HSD17B3: variants seen among roughly 807,000 people sequenced by gnomAD.
HSD17B3 encodes hydroxysteroid 17-beta dehydrogenase 3.
A neutral mutation model predicts 41.1 loss-of-function variants in HSD17B3; 29 were observed. The observed-to-expected ratio is 0.71, with a 90% CI of 0.53 to 0.96. The LOEUF (loss-of-function observed/expected upper bound fraction) is 0.96. Ranked by LOEUF, HSD17B3 falls within the 40% of genes least tolerant of loss-of-function variation. HSD17B3 has a pLI of 0.00. For synonymous variants in HSD17B3, 126 were observed against 145.6 expected (o/e 0.87, Z 0.97); for missense variants, 323 against 374.6 (o/e 0.86, Z 1.14).
Position 96,245,462 on chromosome 9 carries a change from T to C in HSD17B3, c.525-36A>G, listed in dbSNP as rs778877392. The C allele has an allele frequency of 1.9e-5, 29 of 1,498,408 alleles. No homozygotes were observed. The South Asian group carries it at 3.0e-4, about 16-fold the overall frequency. The allele number at this position is 1,498,408 out of a possible 1,614,324, so 92.8% of individuals were successfully genotyped here. A position where few individuals can be genotyped will look rare whatever the true frequency, so the allele number is the denominator to read the frequency against. On this transcript the variant is annotated intron_variant, in intron 7 of 10. Transcript: ENST00000375263. ...AAGAAGCAAAGTTCCCATGGCTTTG[T>C]TGCCCTACCTGACCTTGAGTACAAA... is the stretch of plus-strand genomic sequence containing the variant.
chr9:96,262,221 G>A (rs914136028), intron 2 of HSD17B3, among the ~76,000 whole-genome samples: 22 of 121,196 alleles, frequency 1.8e-4, no homozygotes, highest in African/African-American at 6.4e-4. Flanking sequence ...TTGTAAACAT[G>A]TCAATTGCTT....
At chr9:96,300,209 G>GAA (rs1827528499) in intron 1 of HSD17B3, among the ~76,000 whole-genome samples, 1 of 116,376 alleles carries the variant, frequency 8.6e-6, no homozygotes, top group African/African-American at 3.1e-5. Context: ...ACCCCAAGAG[G>GAA]ACACACACAC....
intron 5 of HSD17B3, chr9:96,250,341 G>C (rs1419924590): frequency 9.3e-7 from 1 of 1,078,134 alleles, no homozygotes; most frequent in African/African-American, 1.6e-5. Flanking sequence ...GCCAGAAACA[G>C]AGTGTGGGAG....
In HSD17B3 at chr9:96,250,448, T is replaced by C. The variant is rs946354445; in HGVS notation, c.454-662A>G. 5 of 1,064,512 alleles carry C rather than the reference T, an allele frequency of 4.7e-6. No homozygotes were observed. In the African/African-American group the frequency reaches 8.2e-5, roughly 18 times the overall value. The allele number at this position is 1,064,512 out of a possible 1,614,324, so 65.9% of individuals were successfully genotyped here. On this transcript the variant is annotated intron_variant, in intron 5 of 10. Transcript: ENST00000375263. The stretch of plus-strand genomic sequence containing the variant: ...CAAGCAGTCTGGCATTATCACCCGG[T>C]GCAGCAGACTCGGGGCTTACACAGG...
chr9:96,242,623 A>T (rs1236378477), intron 9 of HSD17B3, among the ~76,000 whole-genome samples: 1 of 152,176 alleles, frequency 6.6e-6, no homozygotes, highest in East Asian at 1.9e-4. Flanking sequence ...TTTTTGAAAG[A>T]TCACAGTCTT....
intron 3 of HSD17B3, among the ~76,000 whole-genome samples, chr9:96,254,259 C>A (rs183294817): frequency 5.7e-4 from 86 of 152,188 alleles, no homozygotes; most frequent in African/African-American, 2.0e-3. Context: ...TAAAATCTGA[C>A]AAACACCAGT....
At chr9:96,287,248 A>G (rs1453235265) in intron 2 of HSD17B3, among the ~76,000 whole-genome samples, 4 of 152,190 alleles carry the variant, frequency 2.6e-5, no homozygotes, top group South Asian at 2.1e-4. Flanking sequence ...CCAGAGGCCA[A>G]GGGAGCCCAG....
chr9:96,299,654 C>T (rs1313135642), intron 1 of HSD17B3, among the ~76,000 whole-genome samples: 1 of 152,026 alleles, frequency 6.6e-6, no homozygotes, highest in East Asian at 1.9e-4. Context: ...AATGAGGAAG[C>T]CAAGGGGAAA....
intron 5 of HSD17B3, chr9:96,250,994 A>G (rs1251894993): frequency 5.6e-6 from 1 of 179,848 alleles, no homozygotes; most frequent in Non-Finnish European, 1.2e-5. Flanking sequence ...CCTGCCAGCC[A>G]TAGAGTTTGT....
chr9:96,250,125 T>C (rs1280889631), intron 5 of HSD17B3: 8 of 1,295,080 alleles, frequency 6.2e-6, no homozygotes, highest in East Asian at 3.2e-5. Flanking sequence ...GGTTAGCCTA[T>C]GTGAGTCCAG....
chr9:96,277,248 CA>C (rs1484913246), intron 2 of HSD17B3, among the ~76,000 whole-genome samples: 2 of 151,410 alleles, frequency 1.3e-5, no homozygotes, highest in South Asian at 4.2e-4. Context: ...ATCTGTGCAG[CA>C]AAGGAAACAA....
At chr9:96,248,346 TGAAAA>T (rs895677980) in intron 6 of HSD17B3, among the ~76,000 whole-genome samples, 1 of 152,176 alleles carries the variant, frequency 6.6e-6, no homozygotes, top group Non-Finnish European at 1.5e-5. Context: ...CTTATTCACC[TGAAAA>T]GAAAAAATTT....
At chr9:96,263,682 T>C (rs564784134) in intron 2 of HSD17B3, among the ~76,000 whole-genome samples, 129 of 152,058 alleles carry the variant, frequency 8.5e-4, no homozygotes, top group Non-Finnish European at 1.5e-3. Flanking sequence ...TGAGCAGAGA[T>C]TGTGCCACTG....
intron 2 of HSD17B3, among the ~76,000 whole-genome samples, chr9:96,271,315 T>C (rs1826238043): frequency 6.6e-6 from 1 of 152,198 alleles, no homozygotes; most frequent in African/African-American, 2.4e-5. Context: ...TATGGTTGTG[T>C]GAGGTAGGAT....
chr9:96,280,771 C>T (rs540665009), intron 2 of HSD17B3, among the ~76,000 whole-genome samples: 4 of 152,280 alleles, frequency 2.6e-5, no homozygotes, highest in African/African-American at 7.2e-5. Flanking sequence ...GTCATAAAGA[C>T]CTTGCTGATA....
At chr9:96,300,063 C>G (rs537684875) in intron 1 of HSD17B3, among the ~76,000 whole-genome samples, 1 of 151,924 alleles carries the variant, frequency 6.6e-6, no homozygotes, top group Non-Finnish European at 1.5e-5. Context: ...CCTACACAAA[C>G]GACAGCAGCT....
rs1825908567 is a variant in HSD17B3, at chr9:96,262,748, C to T, written c.202-7805G>A. ...CTTTTTCACCAAGCTAATATTATTT[C>T]TTGTCTTGAATTATATTTTGTCTGA... On this transcript the variant is annotated intron_variant, in intron 2 of 10. Transcript: ENST00000375263. 1.3e-5 allele frequency among the ~76,000 whole-genome samples: 2 copies of T among 152,082 alleles called. 1 individual carries two copies. Among genetic ancestry groups the T allele is most frequent in the South Asian group, 4.1e-4 (2 of 4,824 alleles).
intron 10 of HSD17B3, among the ~76,000 whole-genome samples, chr9:96,235,874 C>T (rs1482260693): frequency 3.3e-5 from 5 of 151,996 alleles, no homozygotes; most frequent in South Asian, 4.1e-4. Flanking sequence ...GGCACGATCA[C>T]GACTTACTGC....
At chr9:96,289,222 T>C (rs993034925) in intron 2 of HSD17B3, among the ~76,000 whole-genome samples, 1 of 150,530 alleles carries the variant, frequency 6.6e-6, no homozygotes, top group Admixed American at 6.6e-5. Flanking sequence ...TGTGTGTGTA[T>C]GTGTGTGTGT....
Sources: gnomAD v4.1 joint callset for allele counts (sites outside exome capture counted in the v4.1 genomes callset) on GRCh38, gnomAD v4.1.1 for gene constraint, MANE v1.5 for transcripts, NCBI Gene and HGNC (gene_info 2026-07-23, HGNC 2026-07-21) for gene names.